DHRS7B: variants seen among roughly 807,000 people sequenced by gnomAD.
DHRS7B encodes the protein dehydrogenase/reductase 7B.
DHRS7B carries 24 observed loss-of-function variants against 26.4 expected under a neutral mutation model. That is an observed-to-expected ratio of 0.91 (90% CI 0.66 to 1.28). The LOEUF (loss-of-function observed/expected upper bound fraction) is 1.28. Among genes scored for constraint, DHRS7B ranks in the 50% most tolerant of loss-of-function variants. The pLI, the probability that DHRS7B is intolerant of heterozygous loss-of-function variation, is 0.00. For missense variants in DHRS7B, 368 were observed against 419.4 expected (o/e 0.88, Z 1.07); for synonymous variants, 142 against 166.4 (o/e 0.85, Z 1.13).
intron 1 of DHRS7B, among the ~76,000 whole-genome samples, chr17:21,148,901 C>T (rs1973699640): frequency 6.6e-6 from 1 of 152,020 alleles, no homozygotes; most frequent in African/African-American, 2.4e-5. Flanking sequence ...GGGTAGAAAG[C>T]TTAGTCTAAG....
intron 1 of DHRS7B, among the ~76,000 whole-genome samples, chr17:21,139,724 A>G (rs559653199): frequency 5.9e-4 from 90 of 152,230 alleles, no homozygotes; most frequent in African/African-American, 2.1e-3. Flanking sequence ...AATAAATGCA[A>G]GCAAAAATGA....
At chr17:21,157,047 A>G (rs1326998870) in intron 1 of DHRS7B, among the ~76,000 whole-genome samples, 1 of 152,202 alleles carries the variant, frequency 6.6e-6, no homozygotes, top group African/African-American at 2.4e-5. Flanking sequence ...ATGGGCCTGT[A>G]TCTATTAGAG....
intron 1 of DHRS7B, among the ~76,000 whole-genome samples, chr17:21,167,331 G>T (rs1974137084): frequency 6.6e-6 from 1 of 152,128 alleles, no homozygotes; most frequent in African/African-American, 2.4e-5. Context: ...ACCCTTAGCG[G>T]GACTTTGCTA....
At chr17:21,165,772 C>T (rs978216029) in intron 1 of DHRS7B, among the ~76,000 whole-genome samples, 1 of 151,918 alleles carries the variant, frequency 6.6e-6, no homozygotes, top group Non-Finnish European at 1.5e-5. Context: ...AAAAATTAGC[C>T]AGGTGTGGTG....
At chr17:21,171,295 A>G (rs750053076) in intron 1 of DHRS7B, among the ~76,000 whole-genome samples, 1 of 152,236 alleles carries the variant, frequency 6.6e-6, no homozygotes, top group African/African-American at 2.4e-5. Context: ...CTAAGAATCA[A>G]CTGCACACTG....
At position 21,184,314 on chromosome 17, in the gene DHRS7B, A is replaced by T; in HGVS notation, c.527-57A>T. 2.0e-6 allele frequency: 3 copies of T among 1,479,000 alleles called. No homozygotes were observed. The South Asian group carries it at 3.6e-5, about 18-fold the overall frequency. 91.6% of individuals were successfully genotyped at this position (1,479,000 alleles called of 1,614,324 possible). A position where few individuals can be genotyped will look rare whatever the true frequency, so the allele number is the denominator to read the frequency against. On this transcript the variant is annotated intron_variant, in intron 4 of 6. Transcript: ENST00000395511. ...AAAAGCAAGGTCGCCTTCCATCAGCATCGGGTGCAATGACTGGAAGTAGGG... is the reference window on the plus strand; with the variant it reads ...AAAAGCAAGGTCGCCTTCCATCAGCTTCGGGTGCAATGACTGGAAGTAGGG...
intron 1 of DHRS7B, among the ~76,000 whole-genome samples, chr17:21,129,721 A>AAAG (rs1555535573): frequency 1.3e-5 from 2 of 149,160 alleles, no homozygotes; most frequent in African/African-American, 2.5e-5. Flanking sequence ...AAAAAAAAAA[A>AAAG]AAAGAAAAAG....
intron 1 of DHRS7B, among the ~76,000 whole-genome samples, chr17:21,131,570 A>C (rs1398443033): frequency 1.3e-5 from 2 of 152,058 alleles, no homozygotes; most frequent in Non-Finnish European, 2.9e-5. Flanking sequence ...GGTCTTTCTG[A>C]CCTGTATCTT....
At chr17:21,136,465 T>C (rs1973343390) in intron 1 of DHRS7B, among the ~76,000 whole-genome samples, 1 of 151,432 alleles carries the variant, frequency 6.6e-6, no homozygotes, top group Admixed American at 6.6e-5. Flanking sequence ...TGAGCCGAGA[T>C]CACACCTTTG....
chr17:21,156,307 A>C (rs1973876559), intron 1 of DHRS7B, among the ~76,000 whole-genome samples: 1 of 152,190 alleles, frequency 6.6e-6, no homozygotes. Flanking sequence ...CATGGACATC[A>C]AAAGAATAAT....
chr17:21,156,382 G>A (rs535125355), intron 1 of DHRS7B, among the ~76,000 whole-genome samples: 2 of 152,172 alleles, frequency 1.3e-5, no homozygotes, highest in Non-Finnish European at 2.9e-5. Context: ...GAGGCAGGTG[G>A]ATTACCTAAG....
chr17:21,159,223 T>A (rs1973945201), intron 1 of DHRS7B, among the ~76,000 whole-genome samples: 1 of 151,126 alleles, frequency 6.6e-6, no homozygotes, highest in Non-Finnish European at 1.5e-5. Flanking sequence ...CACAGACTAG[T>A]AGAAAATATT....
intron 1 of DHRS7B, among the ~76,000 whole-genome samples, chr17:21,146,284 C>G (rs1973641996): frequency 6.6e-6 from 1 of 152,122 alleles, no homozygotes; most frequent in Non-Finnish European, 1.5e-5. Context: ...ACCTGTAGTC[C>G]CAGCTACTTG....
intron 1 of DHRS7B, among the ~76,000 whole-genome samples, chr17:21,132,817 T>C (rs954112170): frequency 6.6e-6 from 1 of 152,214 alleles, no homozygotes; most frequent in Non-Finnish European, 1.5e-5. Flanking sequence ...ACAAGGTGAT[T>C]AGAGCTAAGC....
intron 3 of DHRS7B, 44 bp from the exon 4 acceptor site, chr17:21,183,550 C>T (rs1186269787): frequency 1.9e-6 from 3 of 1,581,090 alleles, no homozygotes; most frequent in Admixed American, 3.3e-5. Flanking sequence ...GCTCAGATGG[C>T]CTGCCACTCA....
chr17:21,183,852 G>T (rs1011857663), intron 4 of DHRS7B, 42 bp downstream of exon 4: 1 of 1,555,802 alleles, frequency 6.4e-7, no homozygotes, highest in Non-Finnish European at 8.9e-7. Context: ...TGATATGTTG[G>T]CATTCTTTTT....
At chr17:21,143,614 C>T (rs1175490858) in intron 1 of DHRS7B, among the ~76,000 whole-genome samples, 1 of 152,186 alleles carries the variant, frequency 6.6e-6, no homozygotes, top group Non-Finnish European at 1.5e-5. Context: ...CTCTCCCTAT[C>T]AATTGTCAAG....
chr17:21,152,572 C>A (rs1486667616), intron 1 of DHRS7B, among the ~76,000 whole-genome samples: 1 of 152,208 alleles, frequency 6.6e-6, no homozygotes, highest in East Asian at 1.9e-4. Flanking sequence ...AAGAGTTCTA[C>A]CAGCCCCTCA....
At chr17:21,159,217 G>A (rs1332987649) in intron 1 of DHRS7B, among the ~76,000 whole-genome samples, 2 of 151,474 alleles carry the variant, frequency 1.3e-5, no homozygotes, top group African/African-American at 4.8e-5. Context: ...ACAAACCACA[G>A]ACTAGTAGAA....
Sources: allele counts gnomAD v4.1 joint callset (sites outside exome capture counted in the v4.1 genomes callset), GRCh38; gene constraint gnomAD v4.1.1; transcripts MANE v1.5; gene names NCBI Gene and HGNC (gene_info 2026-07-23, HGNC 2026-07-21).